SGCZ: variants seen among roughly 807,000 people sequenced by gnomAD.
SGCZ encodes the protein zeta-sarcoglycan.
SGCZ carries 40 observed loss-of-function variants against 41.3 expected under a neutral mutation model. The observed-to-expected ratio is 0.97, with a 90% CI of 0.75 to 1.26. The LOEUF (loss-of-function observed/expected upper bound fraction) is 1.26. Among genes scored for constraint, SGCZ ranks in the 50% most tolerant of loss-of-function variants. The pLI, the probability that SGCZ is intolerant of heterozygous loss-of-function variation, is 0.00. For synonymous variants in SGCZ, 206 were observed against 137.5 expected (o/e 1.50, Z -3.49); for missense variants, 552 against 369.8 (o/e 1.49, Z -4.04).
chr8:15,215,017 AATT>A (rs1391429899), intron 1 of SGCZ, among the ~76,000 whole-genome samples: 1 of 152,212 alleles, frequency 6.6e-6, no homozygotes, highest in Non-Finnish European at 1.5e-5. Flanking sequence ...ATGCTTCTTT[AATT>A]AAATGAGCAG....
chr8:14,239,358 A>T (rs1277709464), intron 3 of SGCZ, among the ~76,000 whole-genome samples: 3 of 152,168 alleles, frequency 2.0e-5, no homozygotes, highest in African/African-American at 7.2e-5. Flanking sequence ...ACATTTGAAT[A>T]TTTGAATGTA....
intron 3 of SGCZ, among the ~76,000 whole-genome samples, chr8:14,308,570 G>C (rs1293422239): frequency 6.6e-6 from 1 of 151,836 alleles, no homozygotes; most frequent in African/African-American, 2.4e-5. Context: ...TATACTGCTT[G>C]TGTTTGTTTT....
intron 2 of SGCZ, among the ~76,000 whole-genome samples, chr8:14,399,273 C>T (rs554622759): frequency 1.2e-4 from 19 of 152,186 alleles, no homozygotes; most frequent in Admixed American, 3.3e-4. Context: ...ACAAAATAAT[C>T]TGTGACCATA....
chr8:15,206,554 A>G (rs1801073986), intron 1 of SGCZ, among the ~76,000 whole-genome samples: 1 of 151,428 alleles, frequency 6.6e-6, no homozygotes, highest in South Asian at 2.1e-4. Context: ...GGTTCAAGCA[A>G]TTCTCTGCCT....
chr8:14,094,326 T>C (rs1370546221), intron 7 of SGCZ, among the ~76,000 whole-genome samples: 2 of 151,966 alleles, frequency 1.3e-5, no homozygotes, highest in Non-Finnish European at 2.9e-5. Flanking sequence ...AGATGTGATA[T>C]TCCCCTCCCT....
At chr8:14,919,067 A>G (rs2130788170) in intron 1 of SGCZ, among the ~76,000 whole-genome samples, 1 of 152,260 alleles carries the variant, frequency 6.6e-6, no homozygotes, top group South Asian at 2.1e-4. Context: ...ACCTTTTAAG[A>G]TGCGTTGATT....
chr8:14,104,683 C>T (rs1457310036), intron 6 of SGCZ, among the ~76,000 whole-genome samples: 4 of 152,040 alleles, frequency 2.6e-5, no homozygotes, highest in Non-Finnish European at 5.9e-5. Context: ...GGAAATGTCT[C>T]AGACAAAATC....
At chr8:14,443,158 A>T (rs1178354136) in intron 2 of SGCZ, among the ~76,000 whole-genome samples, 1 of 152,244 alleles carries the variant, frequency 6.6e-6, no homozygotes, top group African/African-American at 2.4e-5. Flanking sequence ...AGGAAATAAA[A>T]GACGATAGAA....
At chr8:14,815,091 G>A (rs1465964292) in intron 1 of SGCZ, among the ~76,000 whole-genome samples, 1 of 152,126 alleles carries the variant, frequency 6.6e-6, no homozygotes, top group Non-Finnish European at 1.5e-5. Flanking sequence ...GTCCCAACAT[G>A]ACATCCTGTC....
In SGCZ at chr8:14,464,486, A is replaced by ATATAT. The variant is rs1195978207; in HGVS notation, c.234+90245_234+90246insATATA. On this transcript the variant is annotated intron_variant, in intron 2 of 7. Coordinates refer to ENST00000382080, the MANE Select transcript of SGCZ (RefSeq NM_139167.4). ...TTCTGATTTTGGAAATTTGAGTGGT[A>ATATAT]TTTTTTTTTTTTTTTTAGTTCATCT... 4.4e-5 allele frequency among the ~76,000 whole-genome samples: 6 copies of ATATAT among 135,934 alleles called. 1 individual carries two copies. The highest frequency in any genetic ancestry group is 1.6e-4 in the African/African-American group (6 of 38,122). The allele number at this position is 135,934 out of a possible 152,430, so 89.2% of individuals were successfully genotyped here.
intron 1 of SGCZ, among the ~76,000 whole-genome samples, chr8:14,836,350 T>C (rs112557655): frequency 9.1e-4 from 138 of 152,304 alleles, no homozygotes; most frequent in African/African-American, 3.1e-3. Context: ...TGGGAGAATA[T>C]TTAAAGATAG....
chr8:14,564,733 T>A (rs1227522360), intron 1 of SGCZ, among the ~76,000 whole-genome samples: 1 of 152,140 alleles, frequency 6.6e-6, no homozygotes, highest in Non-Finnish European at 1.5e-5. Context: ...CCAAATTATG[T>A]GGTGTGAACT....
At position 14,641,007 on chromosome 8, in the gene SGCZ, G is replaced by A. The variant is rs1054707837; in HGVS notation, c.40-86081C>T. 2.0e-5 allele frequency among the ~76,000 whole-genome samples: 3 copies of A among 151,648 alleles called. No individual in the cohort carries two copies. In the South Asian group the frequency reaches 6.2e-4, roughly 31 times the overall value. On this transcript the variant is annotated intron_variant, in intron 1 of 7. Coordinates refer to ENST00000382080, the MANE Select transcript of SGCZ (RefSeq NM_139167.4). The stretch of plus-strand genomic sequence containing the variant: ...CTTCCTCTATCAATTCAGAAAGATG[G>A]TATGAATTTGAGAATTCCATTAGAA...
At chr8:14,908,075 T>TG (rs1307786077) in intron 1 of SGCZ, among the ~76,000 whole-genome samples, 5 of 152,162 alleles carry the variant, frequency 3.3e-5, no homozygotes, top group African/African-American at 1.2e-4. Context: ...TAAAAATTTC[T>TG]GGTTTTGTTA....
At chr8:14,417,288 C>A (rs1799519782) in intron 2 of SGCZ, among the ~76,000 whole-genome samples, 1 of 151,964 alleles carries the variant, frequency 6.6e-6, no homozygotes, top group East Asian at 1.9e-4. Context: ...TTTCTTCCTT[C>A]AGTAGTTCTA....
intron 1 of SGCZ, among the ~76,000 whole-genome samples, chr8:14,825,033 T>C (rs980102656): frequency 6.6e-6 from 1 of 152,134 alleles, no homozygotes; most frequent in Non-Finnish European, 1.5e-5. Flanking sequence ...TCCCACACTA[T>C]ACTAAACTGA....
chr8:14,887,610 A>G (rs375189805), intron 1 of SGCZ, among the ~76,000 whole-genome samples: 4 of 152,188 alleles, frequency 2.6e-5, no homozygotes, highest in Admixed American at 2.0e-4. Context: ...ACACACATAC[A>G]CAATCATATA....
chr8:14,383,510 TA>T (rs1804447655), intron 2 of SGCZ, among the ~76,000 whole-genome samples: 1 of 152,150 alleles, frequency 6.6e-6, no homozygotes, highest in Admixed American at 6.5e-5. Context: ...ACACGACTAG[TA>T]AAAAGACATG....
At chr8:15,099,838 A>T (rs758028284) in intron 1 of SGCZ, among the ~76,000 whole-genome samples, 1 of 152,138 alleles carries the variant, frequency 6.6e-6, no homozygotes, top group Admixed American at 6.5e-5. Context: ...TTAACAGGCT[A>T]AAGAGGAAAA....
Sources: allele counts gnomAD v4.1 joint callset (sites outside exome capture counted in the v4.1 genomes callset), GRCh38; gene constraint gnomAD v4.1.1; transcripts MANE v1.5; gene names NCBI Gene and HGNC (gene_info 2026-07-23, HGNC 2026-07-21).